GFRA1: variants seen among roughly 807,000 people sequenced by gnomAD.
The protein encoded by GFRA1 is GDNF family receptor alpha 1.
A neutral mutation model predicts 51.6 loss-of-function variants in GFRA1; 16 were observed. The observed-to-expected ratio is 0.31, with a 90% CI of 0.21 to 0.47. The LOEUF (loss-of-function observed/expected upper bound fraction) is 0.47, where lower values mean the gene tolerates loss of function less well. GFRA1 is among the 20% of genes least tolerant of loss of function. GFRA1 has a pLI of 1.00. For synonymous variants in GFRA1, 270 were observed against 241.3 expected (o/e 1.12, Z -1.10); for missense variants, 530 against 594.3 (o/e 0.89, Z 1.13).
chr10:116,153,957 AAG>A (rs1474989739), intron 5 of GFRA1, among the ~76,000 whole-genome samples: 3 of 152,246 alleles, frequency 2.0e-5, no homozygotes, highest in African/African-American at 7.2e-5. Flanking sequence ...GCATTTCAAA[AAG>A]AGAACATTTA....
At chr10:116,164,550 T>C (rs4553287) in intron 5 of GFRA1, among the ~76,000 whole-genome samples, 67,318 of 152,022 alleles carry the variant, frequency 0.44, 15,005 homozygotes, top group African/African-American at 0.5. Flanking sequence ...TGCCCAAGGC[T>C]TCAGGGTGAA....
At chr10:116,125,159 G>T in intron 6 of GFRA1, 62 bp downstream of exon 6, 1 of 1,431,176 alleles carries the variant, frequency 7.0e-7, no homozygotes, top group South Asian at 1.2e-5. Context: ...CTTGGCAGCC[G>T]AAGCAGCCGC....
intron 9 of GFRA1, among the ~76,000 whole-genome samples, chr10:116,078,357 G>A (rs559898599): frequency 6.6e-6 from 1 of 152,288 alleles, no homozygotes; most frequent in South Asian, 2.1e-4. Flanking sequence ...CTGGGATGCA[G>A]CTTCCCTCTA....
chr10:116,071,352 C>T (rs1955384139), intron 9 of GFRA1, among the ~76,000 whole-genome samples: 1 of 152,230 alleles, frequency 6.6e-6, no homozygotes, highest in Non-Finnish European at 1.5e-5. Flanking sequence ...AAAGGTATTT[C>T]ACTCAGCACA....
chr10:116,085,097 T>TAATC (rs1565562788), intron 9 of GFRA1, among the ~76,000 whole-genome samples: 2 of 152,166 alleles, frequency 1.3e-5, no homozygotes, highest in Non-Finnish European at 2.9e-5. Context: ...CATTTTACAC[T>TAATC]AATCAATCAA....
chr10:116,231,885 C>T (rs1966700843), intron 4 of GFRA1, among the ~76,000 whole-genome samples: 1 of 152,212 alleles, frequency 6.6e-6, no homozygotes, highest in South Asian at 2.1e-4. Flanking sequence ...GAATCAACTG[C>T]ACTTCCTTCG....
intron 5 of GFRA1, among the ~76,000 whole-genome samples, chr10:116,191,488 C>T (rs1256483072): frequency 6.6e-6 from 1 of 150,750 alleles, no homozygotes; most frequent in Non-Finnish European, 1.5e-5. Context: ...GAAAAAATGA[C>T]GCTCTACACA....
intron 9 of GFRA1, among the ~76,000 whole-genome samples, chr10:116,085,718 C>T (rs1417736704): frequency 6.6e-6 from 1 of 152,176 alleles, no homozygotes; most frequent in Non-Finnish European, 1.5e-5. Flanking sequence ...TCAGATGATC[C>T]TTTCAACCAT....
intron 4 of GFRA1, among the ~76,000 whole-genome samples, chr10:116,247,264 C>G (rs1289378133): frequency 6.6e-6 from 1 of 152,168 alleles, no homozygotes; most frequent in African/African-American, 2.4e-5. Context: ...CCTGTGGGTC[C>G]CTTGAATCTA....
chr10:116,118,924 G>C (rs1565588982), intron 6 of GFRA1, among the ~76,000 whole-genome samples: 1 of 152,172 alleles, frequency 6.6e-6, no homozygotes, highest in South Asian at 2.1e-4. Flanking sequence ...AAACTAGACA[G>C]GGACAGGCTC....
chr10:116,156,315 A>G (rs1369801367), intron 5 of GFRA1, among the ~76,000 whole-genome samples: 1 of 152,256 alleles, frequency 6.6e-6, no homozygotes, highest in Non-Finnish European at 1.5e-5. Context: ...ATTTCAAACG[A>G]AGTTATGGGT....
At chr10:116,187,552 G>A (rs74160650) in intron 5 of GFRA1, among the ~76,000 whole-genome samples, 3,029 of 152,242 alleles carry the variant, frequency 0.02, 91 homozygotes, top group African/African-American at 0.067. Context: ...TAGTGGCACC[G>A]ATAATCCAAT....
chr10:116,214,208 G>C (rs893728140), intron 4 of GFRA1, among the ~76,000 whole-genome samples: 2 of 152,210 alleles, frequency 1.3e-5, no homozygotes, highest in South Asian at 4.1e-4. Context: ...AAATGTCACA[G>C]CCACTGTGAA....
At chr10:116,269,705 T>C (rs1565693554) in intron 3 of GFRA1, 119 bp from the exon 4 acceptor site, 2 of 714,272 alleles carry the variant, frequency 2.8e-6, no homozygotes, top group East Asian at 2.7e-5. Flanking sequence ...CGCTGAAACT[T>C]TGAAAGATTT....
chr10:116,131,590 G>T (rs1958104607), intron 5 of GFRA1, among the ~76,000 whole-genome samples: 1 of 152,010 alleles, frequency 6.6e-6, no homozygotes, highest in Non-Finnish European at 1.5e-5. Context: ...AAGAAGAGAT[G>T]AACTGTTGAT....
intron 5 of GFRA1, among the ~76,000 whole-genome samples, chr10:116,179,836 T>A (rs1038837769): frequency 4.6e-5 from 7 of 152,286 alleles, no homozygotes; most frequent in African/African-American, 1.7e-4. Context: ...AGATGCTGTA[T>A]ACAGAGATGC....
chr10:116,083,437 T>C (rs924577608), intron 9 of GFRA1, among the ~76,000 whole-genome samples: 1 of 152,236 alleles, frequency 6.6e-6, no homozygotes, highest in Non-Finnish European at 1.5e-5. Flanking sequence ...AAGCATCCCA[T>C]TGCTCTGCTA....
intron 5 of GFRA1, among the ~76,000 whole-genome samples, chr10:116,139,812 A>C (rs1341271213): frequency 6.6e-6 from 1 of 152,246 alleles, no homozygotes; most frequent in East Asian, 1.9e-4. Flanking sequence ...CCATCGGAGC[A>C]CAGCCTGGGT....
At chr10:116,253,614 GAA>G (rs78090181) in intron 4 of GFRA1, among the ~76,000 whole-genome samples, 86 of 149,008 alleles carry the variant, frequency 5.8e-4, no homozygotes, top group African/African-American at 2.0e-3. Context: ...TCTCACAAGA[GAA>G]AAAAAAAATA....
Sources: allele counts gnomAD v4.1 joint callset (sites outside exome capture counted in the v4.1 genomes callset), GRCh38; gene constraint gnomAD v4.1.1; transcripts MANE v1.5; gene names NCBI Gene and HGNC (gene_info 2026-07-23, HGNC 2026-07-21).